The following ASIC2 variants were observed in gnomAD, a reference collection of about 807,000 sequenced individuals.
ASIC2 encodes the protein acid sensing ion channel subunit 2, also known as acid-sensing ion channel 2.
A neutral mutation model predicts 57.3 loss-of-function variants in ASIC2; 25 were observed. The ratio of observed to expected loss-of-function variants is 0.44; its 90% CI spans 0.32 to 0.61. The LOEUF is 0.61. ASIC2 is among the 20% of genes least tolerant of loss of function. The pLI is 0.06. For synonymous variants in ASIC2, 319 were observed against 307.5 expected, an observed-to-expected ratio of 1.04 and a Z score of -0.39; for missense variants, 641 against 738.1, an observed-to-expected ratio of 0.87 and a Z score of 1.52.
intron 1 of ASIC2, among the ~76,000 whole-genome samples, chr17:33,157,241 A>C (rs1323980632): frequency 6.6e-6 from 1 of 152,190 alleles, no homozygotes; most frequent in Non-Finnish European, 1.5e-5. Flanking sequence ...GCTTCTGACA[A>C]AATGAAGGCC....
chr17:34,115,739 T>C (rs1343427870), intron 1 of ASIC2, among the ~76,000 whole-genome samples: 1 of 152,182 alleles, frequency 6.6e-6, no homozygotes, highest in Non-Finnish European at 1.5e-5. Flanking sequence ...GGATAATGTT[T>C]CTTACAGGAT....
intron 1 of ASIC2, among the ~76,000 whole-genome samples, chr17:34,084,694 T>G (rs1910030173): frequency 6.6e-6 from 1 of 152,228 alleles, no homozygotes; most frequent in African/African-American, 2.4e-5. Context: ...TTCTTCCATT[T>G]GTTTGTATCC....
chr17:33,369,493 C>A (rs759819373), intron 1 of ASIC2, among the ~76,000 whole-genome samples: 7 of 152,206 alleles, frequency 4.6e-5, no homozygotes, highest in Non-Finnish European at 8.8e-5. Context: ...GCCTGCCTTG[C>A]CTCCTTCCAG....
intron 1 of ASIC2, among the ~76,000 whole-genome samples, chr17:33,467,253 T>C (rs1031892962): frequency 6.6e-6 from 1 of 152,254 alleles, no homozygotes; most frequent in Non-Finnish European, 1.5e-5. Flanking sequence ...GAAAATATTT[T>C]TTTTTAAGTT....
intron 1 of ASIC2, among the ~76,000 whole-genome samples, chr17:33,510,718 C>T (rs1417706388): frequency 2.6e-5 from 4 of 152,336 alleles, no homozygotes; most frequent in Admixed American, 1.3e-4. Flanking sequence ...GGAGCACACA[C>T]TGGCATTGTT....
intron 1 of ASIC2, among the ~76,000 whole-genome samples, chr17:33,814,405 G>A (rs1309493619): frequency 1.3e-5 from 2 of 152,194 alleles, no homozygotes; most frequent in African/African-American, 4.8e-5. Flanking sequence ...TGACACTTCC[G>A]ATTTGGGGTT....
At chr17:33,726,615 G>T (rs971034167) in intron 1 of ASIC2, among the ~76,000 whole-genome samples, 3 of 152,044 alleles carry the variant, frequency 2.0e-5, no homozygotes, top group Non-Finnish European at 4.4e-5. Flanking sequence ...CTGCCTTTCC[G>T]CATTTCCTCA....
chr17:33,839,262 C>G (rs533250741), intron 1 of ASIC2, among the ~76,000 whole-genome samples: 1 of 152,326 alleles, frequency 6.6e-6, no homozygotes, highest in African/African-American at 2.4e-5. Context: ...GAGTTACTGA[C>G]AGAAGCAGAT....
chr17:33,375,648 G>T (rs964666114), intron 1 of ASIC2, among the ~76,000 whole-genome samples: 1 of 152,200 alleles, frequency 6.6e-6, no homozygotes, highest in Admixed American at 6.5e-5. Context: ...GACCAGTTTG[G>T]AGGCTCCAAA....
chr17:33,941,029 G>A (rs927385825), intron 1 of ASIC2, among the ~76,000 whole-genome samples: 2 of 152,346 alleles, frequency 1.3e-5, no homozygotes, highest in East Asian at 1.9e-4. Flanking sequence ...GCAGCGACTG[G>A]CAGTGTCAGA....
intron 1 of ASIC2, among the ~76,000 whole-genome samples, chr17:33,337,012 G>A (rs1227420881): frequency 5.3e-5 from 8 of 152,120 alleles, no homozygotes; most frequent in Non-Finnish European, 1.2e-4. Flanking sequence ...TCCAGAGAAT[G>A]TCCAGCTCCG....
At chr17:33,040,857 G>T (rs775123273) in intron 3 of ASIC2, among the ~76,000 whole-genome samples, 1 of 152,196 alleles carries the variant, frequency 6.6e-6, no homozygotes, top group Non-Finnish European at 1.5e-5. Context: ...AGAGACAGGA[G>T]TGGGGGTGCG....
chr17:33,547,692 TC>T (rs776580951), intron 1 of ASIC2, among the ~76,000 whole-genome samples: 3 of 151,960 alleles, frequency 2.0e-5, no homozygotes, highest in East Asian at 1.9e-4. Flanking sequence ...GGACAACTCA[TC>T]CCCCCCATCC....
intron 1 of ASIC2, among the ~76,000 whole-genome samples, chr17:33,708,677 C>A (rs1042605561): frequency 6.6e-6 from 1 of 152,094 alleles, no homozygotes; most frequent in Non-Finnish European, 1.5e-5. Flanking sequence ...AAAAGAGGAG[C>A]CTCATCCAGC....
intron 1 of ASIC2, among the ~76,000 whole-genome samples, chr17:33,461,615 A>G (rs1432676100): frequency 2.0e-5 from 3 of 152,084 alleles, no homozygotes; most frequent in African/African-American, 4.8e-5. Context: ...CATAGCATCA[A>G]TGTTCTAAGA....
intron 1 of ASIC2, among the ~76,000 whole-genome samples, chr17:34,100,438 T>C (rs1910822939): frequency 6.6e-6 from 1 of 152,186 alleles, no homozygotes. Context: ...TATTAATCAC[T>C]CATTCATTAT....
intron 1 of ASIC2, among the ~76,000 whole-genome samples, chr17:33,785,839 C>A (rs1397189376): frequency 1.3e-5 from 2 of 152,144 alleles, no homozygotes; most frequent in Non-Finnish European, 2.9e-5. Flanking sequence ...AGGAAGATGG[C>A]AAGACCAGGG....
chr17:33,283,128 T>C (rs1905023933), intron 1 of ASIC2, among the ~76,000 whole-genome samples: 1 of 152,252 alleles, frequency 6.6e-6, no homozygotes, highest in Admixed American at 6.5e-5. Flanking sequence ...CTGATGCTTC[T>C]GATATTGCAC....
chr17:33,916,972 G>T (rs911947966), intron 1 of ASIC2, among the ~76,000 whole-genome samples: 1 of 152,160 alleles, frequency 6.6e-6, no homozygotes, highest in Non-Finnish European at 1.5e-5. Context: ...ACACTGGTGA[G>T]TGGTGGTGTG....
Sources: gnomAD v4.1 joint callset for allele counts (sites outside exome capture counted in the v4.1 genomes callset) on GRCh38, gnomAD v4.1.1 for gene constraint, MANE v1.5 for transcripts, NCBI Gene and HGNC (gene_info 2026-07-23, HGNC 2026-07-21) for gene names.